Variants in ARHGAP10 observed in about 807,000 individuals in gnomAD.
ARHGAP10 encodes rho GTPase-activating protein 10.
Under a neutral mutation model 108.6 loss-of-function variants are expected in ARHGAP10, and 87 were observed. The ratio of observed to expected loss-of-function variants is 0.80; its 90% confidence interval spans 0.67 to 0.96. ARHGAP10 has a LOEUF of 0.96. Among genes scored for constraint, ARHGAP10 ranks in the 40% least tolerant of loss-of-function variants. The probability of loss-of-function intolerance (pLI) is 0.00; values close to 1 mark genes in which losing one functional copy is unlikely to be tolerated. For missense variants in ARHGAP10, 939 were observed against 954.5 expected, an observed-to-expected ratio of 0.98 and a Z score of 0.21; for synonymous variants, 347 against 341.1, an observed-to-expected ratio of 1.02 and a Z score of -0.19.
chr4:148,050,425 G>A (rs1729083460), intron 20 of ARHGAP10, among the ~76,000 whole-genome samples: 1 of 133,258 alleles, frequency 7.5e-6, no homozygotes, highest in African/African-American at 2.8e-5. Context: ...CCAGGCTGGA[G>A]TGCAGTGGTG....
At chr4:147,837,052 A>G (rs918495651) in intron 3 of ARHGAP10, among the ~76,000 whole-genome samples, 113 of 152,244 alleles carry the variant, frequency 7.4e-4, no homozygotes, top group African/African-American at 2.6e-3. Flanking sequence ...CTTTTTGTCA[A>G]CATTAGTCTT....
chr4:148,027,959 T>C (rs1185000337), intron 19 of ARHGAP10, among the ~76,000 whole-genome samples: 2 of 152,158 alleles, frequency 1.3e-5, no homozygotes, highest in Admixed American at 1.3e-4. Flanking sequence ...ATCAGAATTA[T>C]ACTGCATATC....
chr4:148,042,867 G>C (rs1457818065), intron 19 of ARHGAP10, among the ~76,000 whole-genome samples: 1 of 152,168 alleles, frequency 6.6e-6, no homozygotes, highest in Non-Finnish European at 1.5e-5. Context: ...ATCCAAAACT[G>C]TGTGCAGGTT....
chr4:148,055,075 A>G (rs537171472), intron 20 of ARHGAP10, among the ~76,000 whole-genome samples: 1 of 152,286 alleles, frequency 6.6e-6, no homozygotes. Context: ...ACCTGATTCC[A>G]CACTGATCAT....
chr4:148,024,930 T>G (rs1267874034), intron 19 of ARHGAP10, among the ~76,000 whole-genome samples: 2 of 152,232 alleles, frequency 1.3e-5, no homozygotes, highest in East Asian at 3.9e-4. Flanking sequence ...AAATGGCTCA[T>G]TGGCCCTTGA....
At chr4:147,843,302 G>A (rs1391646424) in intron 3 of ARHGAP10, among the ~76,000 whole-genome samples, 1 of 152,148 alleles carries the variant, frequency 6.6e-6, no homozygotes, top group Non-Finnish European at 1.5e-5. Flanking sequence ...AAGAATACAT[G>A]CCTTTACTTT....
At chr4:147,794,678 TG>T (rs1731244183) in intron 1 of ARHGAP10, among the ~76,000 whole-genome samples, 1 of 152,246 alleles carries the variant, frequency 6.6e-6, no homozygotes. Flanking sequence ...GCATGTAGTT[TG>T]GGATTGTTCA....
chr4:148,046,431 C>G (rs1728887056), intron 19 of ARHGAP10, among the ~76,000 whole-genome samples: 1 of 152,174 alleles, frequency 6.6e-6, no homozygotes, highest in South Asian at 2.1e-4. Flanking sequence ...GATACCAGCT[C>G]AGTAAGACAA....
chr4:148,021,087 T>G (rs1012725232), intron 18 of ARHGAP10, among the ~76,000 whole-genome samples: 3 of 152,190 alleles, frequency 2.0e-5, no homozygotes, highest in Non-Finnish European at 4.4e-5. Flanking sequence ...TGTTACTCAT[T>G]CCCAGATATT....
intron 4 of ARHGAP10, among the ~76,000 whole-genome samples, chr4:147,848,436 A>G (rs1733722089): frequency 6.6e-6 from 1 of 152,250 alleles, no homozygotes. Context: ...ATCGGAGGTC[A>G]GCTTTCACTT....
At chr4:147,921,926 G>A (rs1428198421) in intron 13 of ARHGAP10, among the ~76,000 whole-genome samples, 1 of 152,066 alleles carries the variant, frequency 6.6e-6, no homozygotes, top group African/African-American at 2.4e-5. Flanking sequence ...ACATTACTGT[G>A]CAGCCACCAT....
chr4:147,923,983 C>T (rs1044942866), intron 13 of ARHGAP10, among the ~76,000 whole-genome samples: 1 of 152,204 alleles, frequency 6.6e-6, no homozygotes, highest in Non-Finnish European at 1.5e-5. Flanking sequence ...GAGTTTCTCT[C>T]TGTCTCTGTT....
Position 147,976,330 on chromosome 4 carries a change from G to A in ARHGAP10, c.1716+9491G>A, listed in dbSNP as rs556713890. 2.6e-5 allele frequency among the ~76,000 whole-genome samples: 4 copies of A among 152,292 alleles called. No individual in the cohort carries two copies. The East Asian group carries it at 7.7e-4, about 29-fold the overall frequency. ...GTTTTTATGTGAGAGAAAAATAAAT[G>A]TCTTAAACAACAACAACAATAGCAG... On this transcript the variant is annotated intron_variant, in intron 18 of 22. Transcript: ENST00000336498.
intron 1 of ARHGAP10, among the ~76,000 whole-genome samples, chr4:147,809,412 A>C (rs1731922053): frequency 6.6e-6 from 1 of 151,986 alleles, no homozygotes; most frequent in Non-Finnish European, 1.5e-5. Flanking sequence ...TTTTCTTTTT[A>C]ATGGTTCCAC....
chr4:147,932,283 A>G (rs1306690018), intron 13 of ARHGAP10, among the ~76,000 whole-genome samples: 2 of 152,310 alleles, frequency 1.3e-5, no homozygotes, highest in East Asian at 3.9e-4. Context: ...ATACCATTTG[A>G]CCCAGCAATT....
intron 7 of ARHGAP10, among the ~76,000 whole-genome samples, chr4:147,874,092 C>T (rs907357348): frequency 1.3e-5 from 2 of 151,966 alleles, no homozygotes; most frequent in Non-Finnish European, 2.9e-5. Context: ...TCAGACTCTC[C>T]ATCCCTTTAC....
chr4:147,871,149 G>A (rs916621749), intron 7 of ARHGAP10, among the ~76,000 whole-genome samples: 2 of 152,014 alleles, frequency 1.3e-5, no homozygotes, highest in African/African-American at 4.8e-5. Flanking sequence ...TAGTAGAGAC[G>A]GGGTTTCACC....
chr4:148,043,576 C>T (rs1221813629), intron 19 of ARHGAP10, among the ~76,000 whole-genome samples: 3 of 121,332 alleles, frequency 2.5e-5, no homozygotes, highest in Admixed American at 9.9e-5. Flanking sequence ...CCTAGAAGTC[C>T]GAGACCAAGC....
chr4:147,821,478 T>C (rs1222016473), intron 1 of ARHGAP10, among the ~76,000 whole-genome samples: 2 of 152,218 alleles, frequency 1.3e-5, no homozygotes, highest in African/African-American at 4.8e-5. Context: ...CAGTTTTGCC[T>C]TTTCATATTT....
Sources: gnomAD v4.1 joint callset for allele counts (sites outside exome capture counted in the v4.1 genomes callset) on GRCh38, gnomAD v4.1.1 for gene constraint, MANE v1.5 for transcripts, NCBI Gene and HGNC (gene_info 2026-07-23, HGNC 2026-07-21) for gene names.